The following PMM2 variants were observed in gnomAD, a reference collection of about 807,000 sequenced individuals.
PMM2 encodes mannose-6-phosphate isomerase.
A neutral mutation model predicts 33.2 loss-of-function variants in PMM2; 35 were observed. The ratio of observed to expected loss-of-function variants is 1.06; its 90% confidence interval spans 0.81 to 1.40. PMM2 has a LOEUF of 1.40. Among genes scored for constraint, PMM2 ranks in the 40% most tolerant of loss-of-function variants. The pLI, the probability that PMM2 is intolerant of heterozygous loss-of-function variation, is 0.00. For synonymous variants in PMM2, 153 were observed against 114.7 expected (o/e 1.33, Z -2.13); for missense variants, 386 against 306.0 (o/e 1.26, Z -1.95).
chr16:8,803,312 C>A (rs565564532), intron 2 of PMM2, among the ~76,000 whole-genome samples: 18 of 151,974 alleles, frequency 1.2e-4, no homozygotes, highest in African/African-American at 4.4e-4. Context: ...TGCTATAAAC[C>A]GCATACTGGG....
At position 8,804,913 on chromosome 16, in the gene PMM2, A is replaced by G. The variant is rs567300245; in HGVS notation, c.255+70A>G. Reference sequence around the variant, plus strand: ...TTTCTAAAAGGGCATTTCACAATGAATGCCTCTAGGAAGATGAGGAACGGG... The same window carrying G: ...TTTCTAAAAGGGCATTTCACAATGAGTGCCTCTAGGAAGATGAGGAACGGG... On this transcript the variant is annotated intron_variant, in intron 3 of 7. Transcript: ENST00000268261. 2.9e-5 allele frequency: 28 copies of G among 950,116 alleles called. No individual in the cohort carries two copies. The East Asian group carries it at 6.3e-4, about 21-fold the overall frequency. 58.9% of individuals were successfully genotyped at this position (950,116 alleles called of 1,614,324 possible). A position where few individuals can be genotyped will look rare whatever the true frequency, so the allele number is the denominator to read the frequency against.
intron 7 of PMM2, among the ~76,000 whole-genome samples, chr16:8,834,663 A>G (rs986105115): frequency 3.3e-5 from 5 of 151,874 alleles, no homozygotes; most frequent in Non-Finnish European, 5.9e-5. Context: ...TTCCTTGAGG[A>G]TAGATTTCCA....
At chr16:8,817,104 T>C (rs769841017) in intron 7 of PMM2, among the ~76,000 whole-genome samples, 1 of 152,132 alleles carries the variant, frequency 6.6e-6, no homozygotes, top group Non-Finnish European at 1.5e-5. Context: ...TTTAAATGAG[T>C]GTGCTTTCCA....
chr16:8,802,589 G>A (rs957924073), intron 2 of PMM2, among the ~76,000 whole-genome samples: 1 of 152,178 alleles, frequency 6.6e-6, no homozygotes, highest in African/African-American at 2.4e-5. Context: ...AGCACTTGGG[G>A]AGGCCGAGGC....
At chr16:8,838,861 T>G (rs184430433) in intron 7 of PMM2, among the ~76,000 whole-genome samples, 11 of 151,926 alleles carry the variant, frequency 7.2e-5, no homozygotes, top group Non-Finnish European at 1.6e-4. Context: ...TCAGGCCAGA[T>G]TGATTTAGGT....
At chr16:8,802,288 A>G (rs764843136) in intron 2 of PMM2, 6 of 455,680 alleles carry the variant, frequency 1.3e-5, no homozygotes, top group Middle Eastern at 3.2e-4. Flanking sequence ...TCACTGAAAC[A>G]GAATCTCCAG....
intron 7 of PMM2, chr16:8,832,707 A>G (rs1238154754): frequency 1.0e-6 from 1 of 985,300 alleles, no homozygotes; most frequent in African/African-American, 1.7e-5. Flanking sequence ...GTTGTAAAGT[A>G]ATCTGATCAT....
intron 2 of PMM2, 31 bp from the exon 3 acceptor site, chr16:8,804,736 A>C: frequency 6.7e-7 from 1 of 1,492,372 alleles, no homozygotes; most frequent in Non-Finnish European, 9.4e-7. Flanking sequence ...GATTCTTTGC[A>C]TTCTAAGTGT....
At chr16:8,837,281 G>GTCTAAATAAA (rs2060855836) in intron 7 of PMM2, among the ~76,000 whole-genome samples, 1 of 152,010 alleles carries the variant, frequency 6.6e-6, no homozygotes, top group South Asian at 2.1e-4. Context: ...TTTAGATCTT[G>GTCTAAATAAA]TAGGATGGAA....
intron 7 of PMM2, 149 bp downstream of exon 7, chr16:8,813,255 T>C (rs1404759045): frequency 1.4e-6 from 1 of 710,792 alleles, no homozygotes; most frequent in Non-Finnish European, 2.6e-6. Context: ...AGGTGGGTGA[T>C]TGAGCCACCT....
chr16:8,825,842 G>A (rs2060764681), intron 7 of PMM2, among the ~76,000 whole-genome samples: 1 of 144,120 alleles, frequency 6.9e-6, no homozygotes, highest in Non-Finnish European at 1.5e-5. Flanking sequence ...TGCAACCTCT[G>A]CCTCTCAGGT....
At chr16:8,814,208 C>T (rs912828082) in intron 7 of PMM2, among the ~76,000 whole-genome samples, 6 of 152,192 alleles carry the variant, frequency 3.9e-5, no homozygotes, top group Middle Eastern at 3.4e-3. Flanking sequence ...TTCCTGGCCT[C>T]AAGGAATCTG....
chr16:8,837,828 CCCTG>C, intron 7 of PMM2, among the ~76,000 whole-genome samples: 1 of 152,176 alleles, frequency 6.6e-6, no homozygotes, highest in East Asian at 1.9e-4. Flanking sequence ...AATCAGGCGT[CCCTG>C]CAGTGATTAA....
chr16:8,814,715 G>A (rs2060696796), intron 7 of PMM2, among the ~76,000 whole-genome samples: 1 of 152,178 alleles, frequency 6.6e-6, no homozygotes. Context: ...GCTTTATTGA[G>A]GTATAATTGA....
chr16:8,817,282 A>G (rs988191941), intron 7 of PMM2, among the ~76,000 whole-genome samples: 2 of 152,236 alleles, frequency 1.3e-5, no homozygotes, highest in Non-Finnish European at 2.9e-5. Flanking sequence ...AAATGCTTTC[A>G]GTGCAGGCTT....
rs78290141 is a variant in PMM2 at position 8,847,731 on chromosome 16, A to G, written c.647A>G (p.Asn216Ser). ...TACTTCGTGTCTTTCCAGGGTGGCAATGACCATGAGATCTTCACAGACCCC... is the reference window on the plus strand; with the variant it reads ...TACTTCGTGTCTTTCCAGGGTGGCAGTGACCATGAGATCTTCACAGACCCC... ...FFGDKTMPGG[N>S]DHEIFTDPRT... is the part of the protein sequence containing the mutation. The change falls in exon 8 of 8, where the codon AAT becomes AGT. Residue 216 changes from asparagine (N) to serine (S), a missense_variant. Asn to Ser is a conservative substitution (Grantham distance 46). Transcript: ENST00000268261. 54 of 1,612,698 alleles carry G rather than the reference A, an allele frequency of 3.3e-5. No homozygotes were observed. Among genetic ancestry groups the G allele is most frequent in the Middle Eastern group, 1.7e-4 (1 of 6,058 alleles).
At chr16:8,831,553 C>T (rs996232933) in intron 7 of PMM2, among the ~76,000 whole-genome samples, 22 of 152,196 alleles carry the variant, frequency 1.4e-4, no homozygotes, top group South Asian at 2.1e-4. Context: ...ATAAGAGTCC[C>T]GACCACGAGC....
In PMM2 at chr16:8,804,831, C is replaced by T. The variant is rs1169352353; in HGVS notation, c.243C>T (p.Leu81=). Residue 81 remains leucine, a synonymous_variant, in exon 3 of 8, where the codon CTC becomes CTT. Transcript: ENST00000268261. ...NGLVAYKDGK[L]LCRQNIQSHL... is the part of the protein sequence containing the mutation. ...TGGTAGCATACAAAGATGGGAAACT[C>T]TTGTGTAGACAGGTAGGTTCTTGAG... 1.9e-6 allele frequency: 3 copies of T among 1,604,888 alleles called. No individual in the cohort carries two copies. Among genetic ancestry groups the T allele is most frequent in the East Asian group, 2.2e-5 (1 of 44,822 alleles).
intron 6 of PMM2, among the ~76,000 whole-genome samples, chr16:8,812,371 G>A (rs2060682741): frequency 6.6e-6 from 1 of 151,822 alleles, no homozygotes; most frequent in Non-Finnish European, 1.5e-5. Flanking sequence ...GTGCTAATGA[G>A]TCATTGCTCA....
Sources: allele counts gnomAD v4.1 joint callset (sites outside exome capture counted in the v4.1 genomes callset), GRCh38; gene constraint gnomAD v4.1.1; transcripts MANE v1.5; gene names NCBI Gene and HGNC (gene_info 2026-07-23, HGNC 2026-07-21).